CORO2B: variants seen among roughly 807,000 people sequenced by gnomAD.
CORO2B encodes the protein coronin-2B.
A neutral mutation model predicts 58.8 loss-of-function variants in CORO2B; 26 were observed. The ratio of observed to expected loss-of-function variants is 0.44; its 90% CI spans 0.32 to 0.61. The LOEUF is 0.61. CORO2B is among the 20% of genes least tolerant of loss of function. The pLI is 0.04. For missense variants in CORO2B, 460 were observed against 645.1 expected (o/e 0.71, Z 3.11); for synonymous variants, 242 against 253.8 (o/e 0.95, Z 0.44).
chr15:68,715,762 C>T (rs1893018157), intron 8 of CORO2B, among the ~76,000 whole-genome samples: 1 of 152,200 alleles, frequency 6.6e-6, no homozygotes, highest in African/African-American at 2.4e-5. Flanking sequence ...ACTGCAGCCC[C>T]AAGCTCCCTA....
intron 11 of CORO2B, among the ~76,000 whole-genome samples, chr15:68,722,967 T>C (rs1893199226): frequency 6.6e-6 from 1 of 151,958 alleles, no homozygotes; most frequent in South Asian, 2.1e-4. Context: ...CTCGGGAGGC[T>C]GAGGCAGGAG....
At chr15:68,635,302 C>T (rs1294418776) in intron 1 of CORO2B, among the ~76,000 whole-genome samples, 1 of 152,230 alleles carries the variant, frequency 6.6e-6, no homozygotes, top group African/African-American at 2.4e-5. Flanking sequence ...GAGTCTGGCA[C>T]AGACCAGCCT....
At chr15:68,590,462 C>T (rs1402215869) in intron 1 of CORO2B, among the ~76,000 whole-genome samples, 1 of 152,094 alleles carries the variant, frequency 6.6e-6, no homozygotes, top group Admixed American at 6.5e-5. Flanking sequence ...GGATGGCCTG[C>T]CCTGCTTCAC....
At chr15:68,627,038 T>C (rs1900702255) in intron 1 of CORO2B, among the ~76,000 whole-genome samples, 1 of 152,210 alleles carries the variant, frequency 6.6e-6, no homozygotes, top group South Asian at 2.1e-4. Flanking sequence ...GTGGGGATCC[T>C]TAGCAAGGTA....
At chr15:68,623,493 C>G (rs1266780032) in intron 1 of CORO2B, among the ~76,000 whole-genome samples, 1 of 151,926 alleles carries the variant, frequency 6.6e-6, no homozygotes, top group African/African-American at 2.4e-5. Flanking sequence ...ACCCCCACCC[C>G]ACCCCATCCC....
chr15:68,677,417 G>A (rs1902625100), intron 2 of CORO2B, among the ~76,000 whole-genome samples: 1 of 152,218 alleles, frequency 6.6e-6, no homozygotes. Flanking sequence ...AGAGGGTGGA[G>A]CTGAGACCCT....
chr15:68,575,691 C>T (rs1595946736), upstream of CORO2B, among the ~76,000 whole-genome samples: 1 of 151,628 alleles, frequency 6.6e-6, no homozygotes, highest in African/African-American at 2.4e-5. Flanking sequence ...CCGCACTACT[C>T]CCCACCTCCA....
the CORO2B span, among the ~76,000 whole-genome samples, chr15:68,573,675 C>G: frequency 2.6e-5 from 4 of 152,130 alleles, no homozygotes; most frequent in African/African-American, 9.7e-5. Context: ...GACCCACATA[C>G]AGAGAAGGAG....
chr15:68,676,369 CTG>C, intron 2 of CORO2B, among the ~76,000 whole-genome samples: 1 of 152,324 alleles, frequency 6.6e-6, no homozygotes, highest in East Asian at 1.9e-4. Flanking sequence ...CTTCTGCCTC[CTG>C]GCCCACCTTA....
At chr15:68,630,686 T>A (rs1900804376) in intron 1 of CORO2B, among the ~76,000 whole-genome samples, 1 of 152,270 alleles carries the variant, frequency 6.6e-6, no homozygotes, top group South Asian at 2.1e-4. Context: ...TCATGGTTTT[T>A]CAAACAAGAG....
intron 1 of CORO2B, among the ~76,000 whole-genome samples, chr15:68,642,044 T>TC (rs1901263272): frequency 6.7e-6 from 1 of 148,724 alleles, no homozygotes; most frequent in Non-Finnish European, 1.5e-5. Flanking sequence ...TCTTTTTTTT[T>TC]TTTTTTTTTT....
At chr15:68,541,043 A>G in the CORO2B span, among the ~76,000 whole-genome samples, 1 of 152,138 alleles carries the variant, frequency 6.6e-6, no homozygotes, top group Non-Finnish European at 1.5e-5. Context: ...CAGCCTGGGA[A>G]ATATTGTAAA....
chr15:68,659,053 G>C (rs2140284967), intron 2 of CORO2B, among the ~76,000 whole-genome samples: 1 of 152,244 alleles, frequency 6.6e-6, no homozygotes, highest in Middle Eastern at 3.4e-3. Context: ...TTATATTTAG[G>C]CAAAACCTTC....
At chr15:68,578,960 C>A (rs1899341757), upstream of CORO2B, 1 of 885,342 alleles carries the variant, frequency 1.1e-6, no homozygotes, top group Non-Finnish European at 1.4e-6. The surrounding 1 kb of genome is among the most constrained non-coding windows in gnomAD (Gnocchi z 4.2). Flanking sequence ...CTCCCCCCGC[C>A]CCCCAGCCCG....
intron 2 of CORO2B, among the ~76,000 whole-genome samples, chr15:68,664,874 T>C (rs1335877171): frequency 2.0e-5 from 3 of 152,212 alleles, no homozygotes; most frequent in Non-Finnish European, 4.4e-5. Context: ...CTTTGATTAA[T>C]TTCTTATTGA....
chr15:68,534,756 G>A, the CORO2B span, among the ~76,000 whole-genome samples: 1 of 152,182 alleles, frequency 6.6e-6, no homozygotes, highest in Non-Finnish European at 1.5e-5. Flanking sequence ...TGCTGATAAA[G>A]ACATACCCAA....
rs568026475 is a variant in CORO2B at position 68,580,273 on chromosome 15, G to C, written c.15+996G>C. Among the ~76,000 whole-genome samples, 96 of 152,350 alleles carry C rather than the reference G, an allele frequency of 6.3e-4. 1 individual carries two copies. The highest frequency in any genetic ancestry group is 2.1e-3 in the African/African-American group (88 of 41,578). ...TCTGGCGGTGGCCTCGGGCTTGGCC[G>C]TCCATTCAAGGGCCAGACTCCACCC... On this transcript the variant is annotated intron_variant, in intron 1 of 11. Coordinates refer to ENST00000261861, the MANE Select transcript of CORO2B (RefSeq NM_006091.5).
intron 2 of CORO2B, among the ~76,000 whole-genome samples, chr15:68,684,527 TA>T (rs1195256781): frequency 4.6e-5 from 7 of 152,236 alleles, no homozygotes; most frequent in Non-Finnish European, 1.0e-4. Flanking sequence ...TGCAAGCATA[TA>T]CATGTGTATG....
the CORO2B span, among the ~76,000 whole-genome samples, chr15:68,563,693 G>A: frequency 6.6e-6 from 1 of 152,008 alleles, no homozygotes; most frequent in Admixed American, 6.6e-5. Flanking sequence ...TGTCAGAAAT[G>A]AAATTGGGGA....
Sources: gnomAD v4.1 joint callset for allele counts (sites outside exome capture counted in the v4.1 genomes callset) on GRCh38, gnomAD v4.1.1 for gene constraint, Gnocchi (gnomAD v3.1) non-coding constraint, MANE v1.5 for transcripts, NCBI Gene and HGNC (gene_info 2026-07-23, HGNC 2026-07-21) for gene names.